The following FGD5 variants were observed in gnomAD, a reference collection of about 807,000 sequenced individuals.
FGD5 encodes FYVE, RhoGEF and PH domain-containing protein 5.
Under a neutral mutation model 133.4 loss-of-function variants are expected in FGD5, and 28 were observed. The ratio of observed to expected loss-of-function variants is 0.21; its 90% CI spans 0.16 to 0.29. FGD5 has a LOEUF of 0.29. Among genes scored for constraint, FGD5 ranks in the 10% least tolerant of loss-of-function variants. The pLI, the probability that FGD5 is intolerant of heterozygous loss-of-function variation, is 1.00. For missense variants in FGD5, 1,858 were observed against 1,895.2 expected, an observed-to-expected ratio of 0.98 and a Z score of 0.36; for synonymous variants, 810 against 776.5, an observed-to-expected ratio of 1.04 and a Z score of -0.72.
rs111991523 is a variant in FGD5, at chr3:14,926,455, A to G, written c.4197+257A>G. Among the ~76,000 whole-genome samples, 1,099 of 152,352 alleles carry G rather than the reference A, an allele frequency of 7.2e-3. 14 individuals carry two copies. Among genetic ancestry groups the G allele is most frequent in the African/African-American group, 0.024 (988 of 41,578 alleles). On this transcript the variant is annotated intron_variant, in intron 18 of 19. Coordinates refer to ENST00000285046, the MANE Select transcript of FGD5 (RefSeq NM_152536.4). The stretch of plus-strand genomic sequence containing the variant: ...GTACGGACATGCCAAGCTGTGCCGC[A>G]AAGTGTTTAAATGGCACAGGCCCAG...
intron 4 of FGD5, among the ~76,000 whole-genome samples, chr3:14,888,981 AG>A (rs1332690332): frequency 6.6e-6 from 1 of 152,238 alleles, no homozygotes. Flanking sequence ...TGTTTTCCTA[AG>A]CCTGGCAGGT....
chr3:14,886,767 T>C (rs1417196908), intron 4 of FGD5, among the ~76,000 whole-genome samples: 1 of 152,244 alleles, frequency 6.6e-6, no homozygotes, highest in African/African-American at 2.4e-5. Flanking sequence ...CCCTTTGTGA[T>C]TTCTTCTTTG....
At chr3:14,858,714 G>A (rs1432992050) in intron 1 of FGD5, among the ~76,000 whole-genome samples, 3 of 152,166 alleles carry the variant, frequency 2.0e-5, no homozygotes, top group Non-Finnish European at 1.5e-5. Flanking sequence ...TACTCATCTC[G>A]GAGGTTTCTG....
intron 6 of FGD5, 102 bp downstream of exon 6, chr3:14,898,197 C>A: frequency 6.8e-7 from 1 of 1,481,162 alleles, no homozygotes; most frequent in Non-Finnish European, 9.3e-7. Context: ...AGGTGTGGGG[C>A]TGGGGAGCAG....
rs1318461996 is a variant in FGD5 at position 14,827,278 on chromosome 3, A to ATT, written c.2525+5683_2525+5684dup. On this transcript the variant is annotated intron_variant, in intron 1 of 19. Coordinates refer to ENST00000285046, the MANE Select transcript of FGD5 (RefSeq NM_152536.4). ...GGTCGCAAATTGCCACATTTCTGGT[A>ATT]TTCTTTTTTTTTTTTTTTTTTTTTT... Among the ~76,000 whole-genome samples the ATT allele has an allele frequency of 3.6e-4, 43 of 120,230 alleles. 2 individuals are homozygous for ATT. Among genetic ancestry groups the ATT allele is most frequent in the African/African-American group, 1.2e-3 (37 of 31,166 alleles). 78.9% of individuals were successfully genotyped at this position (120,230 alleles called of 152,430 possible). A position where few individuals can be genotyped will look rare whatever the true frequency, so the allele number is the denominator to read the frequency against.
intron 4 of FGD5, among the ~76,000 whole-genome samples, chr3:14,881,701 T>C (rs906451223): frequency 2.6e-5 from 4 of 152,182 alleles, no homozygotes; most frequent in African/African-American, 9.7e-5. Flanking sequence ...TCTCTAAGAA[T>C]GTCAGAGCTG....
intron 4 of FGD5, among the ~76,000 whole-genome samples, chr3:14,893,747 T>G (rs2038077681): frequency 9.9e-6 from 1 of 100,620 alleles, no homozygotes; most frequent in Admixed American, 1.1e-4. Context: ...TTTCTTTTCT[T>G]TTTTCTTTTT....
chr3:14,843,901 G>C (rs2036974648), intron 1 of FGD5, among the ~76,000 whole-genome samples: 1 of 151,392 alleles, frequency 6.6e-6, no homozygotes, highest in Non-Finnish European at 1.5e-5. Context: ...CGCCATGTTG[G>C]CCAGGCTGGT....
chr3:14,923,244 C>T, intron 16 of FGD5, 69 bp downstream of exon 16: 7 of 1,549,458 alleles, frequency 4.5e-6, no homozygotes, highest in Non-Finnish European at 6.1e-6. Flanking sequence ...AGTGGCTTCT[C>T]TGTGGTCCAT....
intron 2 of FGD5, among the ~76,000 whole-genome samples, chr3:14,869,597 A>G (rs950270711): frequency 1.1e-4 from 17 of 151,676 alleles, no homozygotes; most frequent in Non-Finnish European, 2.2e-4. Flanking sequence ...CTGACTCCCC[A>G]TTCCTCCTCC....
In FGD5 at chr3:14,864,279, A is replaced by T. The variant is rs201863459; in HGVS notation, c.2658+19A>T. 1.5e-5 allele frequency: 24 copies of T among 1,613,768 alleles called. No homozygotes were observed. The highest frequency in any genetic ancestry group is 1.9e-5 in the Non-Finnish European group (22 of 1,179,730). On this transcript the variant is annotated intron_variant, in intron 2 of 19. Transcript: ENST00000285046. ...CCACAAGGTAGGGCACCCCACAGGT[A>T]GGCCGTGGGCATCGGAGACGTGAGG...
chr3:14,903,354 TTTA>T (rs529647828), intron 9 of FGD5, among the ~76,000 whole-genome samples: 17 of 151,488 alleles, frequency 1.1e-4, no homozygotes, highest in South Asian at 1.0e-3. Context: ...TATGAACATC[TTTA>T]TTATTATTAT....
chr3:14,847,968 C>G (rs963404286), intron 1 of FGD5, among the ~76,000 whole-genome samples: 1 of 152,176 alleles, frequency 6.6e-6, no homozygotes, highest in Non-Finnish European at 1.5e-5. Context: ...CTCTGGGTCC[C>G]TGGGAAGGCC....
At chr3:14,896,071 T>C (rs1217174666) in intron 4 of FGD5, among the ~76,000 whole-genome samples, 2 of 152,148 alleles carry the variant, frequency 1.3e-5, no homozygotes, top group African/African-American at 4.8e-5. Context: ...GGAATCAATT[T>C]AACCAAAGAA....
chr3:14,890,103 C>T (rs942123278), intron 4 of FGD5, among the ~76,000 whole-genome samples: 7 of 152,116 alleles, frequency 4.6e-5, no homozygotes, highest in African/African-American at 1.7e-4. Context: ...ATTGCACACA[C>T]GGCCACACAC....
At chr3:14,872,845 G>A (rs1027771561) in intron 2 of FGD5, among the ~76,000 whole-genome samples, 1 of 152,194 alleles carries the variant, frequency 6.6e-6, no homozygotes, top group African/African-American at 2.4e-5. Flanking sequence ...AGCTTGGCTG[G>A]TAGAACAGGG....
chr3:14,860,448 A>G (rs2037375929), intron 1 of FGD5, among the ~76,000 whole-genome samples: 1 of 152,182 alleles, frequency 6.6e-6, no homozygotes, highest in South Asian at 2.1e-4. Context: ...AGAGCACCTG[A>G]ACCTTTGCCC....
intron 4 of FGD5, among the ~76,000 whole-genome samples, chr3:14,891,051 C>G (rs1358914856): frequency 6.6e-6 from 1 of 152,198 alleles, no homozygotes; most frequent in Non-Finnish European, 1.5e-5. Flanking sequence ...TTGAAAGCCC[C>G]TTGTCAGACA....
intron 9 of FGD5, among the ~76,000 whole-genome samples, chr3:14,907,105 A>T (rs889499299): frequency 6.6e-6 from 1 of 152,226 alleles, no homozygotes; most frequent in Non-Finnish European, 1.5e-5. Context: ...ACCTGCCCAC[A>T]GGGTGGGCGC....
Sources: gnomAD v4.1 joint callset for allele counts (sites outside exome capture counted in the v4.1 genomes callset) on GRCh38, gnomAD v4.1.1 for gene constraint, MANE v1.5 for transcripts, NCBI Gene and HGNC (gene_info 2026-07-23, HGNC 2026-07-21) for gene names.